UBAC2: variants seen among roughly 807,000 people sequenced by gnomAD.
UBAC2 encodes the protein ubiquitin-associated domain-containing protein 2.
A neutral mutation model predicts 44.0 loss-of-function variants in UBAC2; 26 were observed. The ratio of observed to expected loss-of-function variants is 0.59; its 90% CI spans 0.43 to 0.82. The LOEUF (loss-of-function observed/expected upper bound fraction) is 0.82. Ranked by LOEUF, UBAC2 falls within the 40% of genes least tolerant of loss-of-function variation. The probability of loss-of-function intolerance (pLI) is 0.00; values close to 1 mark genes in which losing one functional copy is unlikely to be tolerated. For missense variants in UBAC2, 329 were observed against 419.4 expected, an observed-to-expected ratio of 0.78 and a Z score of 1.88; for synonymous variants, 155 against 154.3, an observed-to-expected ratio of 1.00 and a Z score of -0.04.
intron 6 of UBAC2, among the ~76,000 whole-genome samples, chr13:99,324,680 G>A (rs1202878580): frequency 2.6e-5 from 4 of 152,180 alleles, no homozygotes; most frequent in African/African-American, 9.6e-5. Context: ...AAGAAACTGA[G>A]GCACAGGGAA....
intron 4 of UBAC2, among the ~76,000 whole-genome samples, chr13:99,272,980 A>T (rs1594075958): frequency 6.8e-6 from 1 of 146,498 alleles, no homozygotes; most frequent in Non-Finnish European, 1.5e-5. Context: ...GTATGTATTG[A>T]TATCTAGTAG....
chr13:99,309,975 A>G (rs564305388), intron 4 of UBAC2, among the ~76,000 whole-genome samples: 1 of 152,334 alleles, frequency 6.6e-6, no homozygotes, highest in South Asian at 2.1e-4. Context: ...CTGTTATTTT[A>G]TGTTTTCTAT....
chr13:99,323,809 T>C (rs913783562), intron 6 of UBAC2, among the ~76,000 whole-genome samples: 8 of 152,322 alleles, frequency 5.3e-5, no homozygotes, highest in African/African-American at 1.7e-4. Flanking sequence ...TGACAAATGG[T>C]GTCTTAGGCC....
intron 1 of UBAC2, among the ~76,000 whole-genome samples, chr13:99,223,077 C>T (rs982744225): frequency 6.6e-6 from 1 of 152,130 alleles, no homozygotes; most frequent in Non-Finnish European, 1.5e-5. Context: ...TAGGTTGTGT[C>T]TTCCAAGGAG....
At chr13:99,385,167 G>A in intron 8 of UBAC2, 61 bp from the exon 9 acceptor site, 2 of 1,255,448 alleles carry the variant, frequency 1.6e-6, no homozygotes, top group Admixed American at 3.4e-5. Context: ...AGAACATTTG[G>A]GGCCCAGGGA....
chr13:99,346,717 T>TG (rs1262821505), intron 7 of UBAC2, among the ~76,000 whole-genome samples: 1 of 152,108 alleles, frequency 6.6e-6, no homozygotes, highest in East Asian at 1.9e-4. Context: ...CCCAGCTTCC[T>TG]GGGGGGCTCC....
In UBAC2 at chr13:99,292,087, G is replaced by T. The variant is rs1327558039; in HGVS notation, c.390-22010G>T. Reference sequence around the variant, plus strand: ...TTTTCAGGGGCCACATGATTGAGTTGTCTTCTTTATGGCCAGGATACAGAA... The same window carrying T: ...TTTTCAGGGGCCACATGATTGAGTTTTCTTCTTTATGGCCAGGATACAGAA... On this transcript the variant is annotated intron_variant, in intron 4 of 8. Transcript: ENST00000403766. Among the ~76,000 whole-genome samples the T allele has an allele frequency of 3.3e-5, 5 of 151,548 alleles. No homozygotes were observed. The East Asian group carries it at 9.7e-4, about 29-fold the overall frequency.
chr13:99,374,947 C>T (rs2045460754), intron 8 of UBAC2, among the ~76,000 whole-genome samples: 1 of 152,186 alleles, frequency 6.6e-6, no homozygotes, highest in African/African-American at 2.4e-5. Context: ...CTCTTGTTTT[C>T]ACATAAAAAA....
intron 6 of UBAC2, among the ~76,000 whole-genome samples, chr13:99,336,942 C>G (rs1489058230): frequency 6.6e-6 from 1 of 151,990 alleles, no homozygotes; most frequent in Non-Finnish European, 1.5e-5. Flanking sequence ...CTTCCCACCT[C>G]CCTCCTGTGA....
intron 1 of UBAC2, among the ~76,000 whole-genome samples, chr13:99,234,897 A>G (rs907328013): frequency 1.1e-4 from 16 of 152,188 alleles, no homozygotes; most frequent in Non-Finnish European, 1.3e-4. Context: ...TTCTATTGGG[A>G]AAAAAAGTGA....
chr13:99,352,961 CAT>C (rs1322935744), intron 7 of UBAC2, among the ~76,000 whole-genome samples: 1 of 152,188 alleles, frequency 6.6e-6, no homozygotes, highest in Non-Finnish European at 1.5e-5. Flanking sequence ...AGCGAATTCT[CAT>C]GTGTCCCGAG....
intron 4 of UBAC2, among the ~76,000 whole-genome samples, chr13:99,262,397 A>G: frequency 6.6e-6 from 1 of 152,188 alleles, no homozygotes; most frequent in East Asian, 1.9e-4. Flanking sequence ...AATATGAGGA[A>G]GTGCATTTCA....
At chr13:99,299,643 G>C (rs538194118) in intron 4 of UBAC2, among the ~76,000 whole-genome samples, 1 of 152,204 alleles carries the variant, frequency 6.6e-6, no homozygotes, top group East Asian at 1.9e-4. Flanking sequence ...AAAAATTTTA[G>C]TTCCCCTTTT....
chr13:99,328,813 A>T (rs1466356841), intron 6 of UBAC2, among the ~76,000 whole-genome samples: 2 of 130,970 alleles, frequency 1.5e-5, no homozygotes, highest in Non-Finnish European at 3.6e-5. Flanking sequence ...GCAAAATTTT[A>T]AAATCTTGAT....
intron 1 of UBAC2, among the ~76,000 whole-genome samples, chr13:99,212,637 A>G (rs1457208737): frequency 1.3e-5 from 2 of 152,234 alleles, no homozygotes; most frequent in Non-Finnish European, 2.9e-5. Flanking sequence ...CTCTGTTTCT[A>G]AGATTTATTG....
intron 4 of UBAC2, among the ~76,000 whole-genome samples, chr13:99,250,591 T>C (rs538306573): frequency 6.6e-6 from 1 of 152,310 alleles, no homozygotes; most frequent in East Asian, 1.9e-4. Flanking sequence ...AGAATAATTT[T>C]TTCTAATTCT....
intron 2 of UBAC2, among the ~76,000 whole-genome samples, chr13:99,242,636 ACC>A (rs1219336757): frequency 6.8e-5 from 4 of 59,144 alleles, no homozygotes; most frequent in East Asian, 7.6e-4. Context: ...CGGGGGGCTG[ACC>A]CCCCCACCTC....
chr13:99,306,245 C>A (rs1353058634), intron 4 of UBAC2, among the ~76,000 whole-genome samples: 1 of 152,096 alleles, frequency 6.6e-6, no homozygotes, highest in Non-Finnish European at 1.5e-5. Context: ...GTTGGATTCA[C>A]CCTCTGGTAC....
At chr13:99,368,245 T>C (rs566213607) in intron 8 of UBAC2, among the ~76,000 whole-genome samples, 1 of 152,260 alleles carries the variant, frequency 6.6e-6, no homozygotes, top group South Asian at 2.1e-4. Flanking sequence ...GAGTGTGCCT[T>C]TGGCATGGTT....
Sources: gnomAD v4.1 joint callset for allele counts (sites outside exome capture counted in the v4.1 genomes callset) on GRCh38, gnomAD v4.1.1 for gene constraint, MANE v1.5 for transcripts, NCBI Gene and HGNC (gene_info 2026-07-23, HGNC 2026-07-21) for gene names.